DMXL1: variants seen among roughly 807,000 people sequenced by gnomAD.
The protein encoded by DMXL1 is Dmx like 1, also known as dmX-like protein 1.
A neutral mutation model predicts 319.2 loss-of-function variants in DMXL1; 99 were observed. That is an observed-to-expected ratio of 0.31 (90% CI 0.26 to 0.37). The LOEUF is 0.37. DMXL1 is among the 10% of genes least tolerant of loss of function. The pLI, the probability that DMXL1 is intolerant of heterozygous loss-of-function variation, is 1.00. For missense variants in DMXL1, 3,745 were observed against 3,595.6 expected (o/e 1.04, Z -1.06); for synonymous variants, 1,385 against 1,235.2 (o/e 1.12, Z -2.54).
At position 119,165,286 on chromosome 5, in the gene DMXL1, T is replaced by TTA; in HGVS notation, c.4970+6_4970+7insTA. 2 of 884,140 alleles carry TTA rather than the reference T, an allele frequency of 2.3e-6. No homozygotes were observed. Among genetic ancestry groups the TTA allele is most frequent in the Non-Finnish European group, 3.3e-6 (2 of 611,016 alleles). 54.8% of individuals were successfully genotyped at this position (884,140 alleles called of 1,614,324 possible). A position where few individuals can be genotyped will look rare whatever the true frequency, so the allele number is the denominator to read the frequency against. On this transcript the variant is annotated splice_region_variant and intron_variant, in intron 21 of 43. Coordinates refer to ENST00000539542, the MANE Select transcript of DMXL1 (RefSeq NM_001290321.3). The stretch of plus-strand genomic sequence containing the variant: ...GTGATTTGGGGATTATATAGGTAGG[T>TTA]AAAAAAAAAAAAAAAAAAGGGTGCT...
At position 119,239,100 on chromosome 5, in the gene DMXL1, A is replaced by C; in HGVS notation, c.8651+20A>C. ...CAATAGGTAAGAGATGATAGCTAAA[A>C]TTGAAGTATGAGAAAGTATAGCTGA... On this transcript the variant is annotated intron_variant, in intron 41 of 43. Transcript: ENST00000539542. The C allele has an allele frequency of 6.2e-7, 1 of 1,612,260 alleles. No individual in the cohort carries two copies. The highest frequency in any genetic ancestry group is 8.5e-7 in the Non-Finnish European group (1 of 1,179,164).
intron 9 of DMXL1, chr5:119,127,828 T>C: frequency 3.6e-6 from 1 of 278,510 alleles, no homozygotes; most frequent in South Asian, 3.8e-5. Context: ...ATTTCTTTCA[T>C]TATCTGTTTT....
intron 4 of DMXL1, among the ~76,000 whole-genome samples, chr5:119,109,025 T>C (rs1263463400): frequency 6.6e-5 from 10 of 151,962 alleles, no homozygotes. Context: ...AATCTTGGAC[T>C]CCCGACCTCA....
chr5:119,093,840 C>CT (rs1424780443), intron 1 of DMXL1, among the ~76,000 whole-genome samples: 2 of 152,140 alleles, frequency 1.3e-5, no homozygotes, highest in East Asian at 1.9e-4. Flanking sequence ...AGTGGTCTGG[C>CT]TAGAAGATCA....
chr5:119,087,785 A>G (rs1204063284), intron 1 of DMXL1, among the ~76,000 whole-genome samples: 3 of 151,776 alleles, frequency 2.0e-5, no homozygotes, highest in Admixed American at 6.6e-5. Context: ...ATTTAGATCT[A>G]TTCATGTTTG....
chr5:119,085,267 G>A (rs1410477383), intron 1 of DMXL1, among the ~76,000 whole-genome samples: 1 of 151,940 alleles, frequency 6.6e-6, no homozygotes, highest in Admixed American at 6.6e-5. Flanking sequence ...GGAGGCAGAG[G>A]CTGCAGTGAA....
At chr5:119,087,899 T>A (rs1753734554) in intron 1 of DMXL1, among the ~76,000 whole-genome samples, 3 of 152,180 alleles carry the variant, frequency 2.0e-5, no homozygotes, top group Admixed American at 2.0e-4. Context: ...CCTCCCAGGT[T>A]CAAGTGATTC....
chr5:119,080,291 G>A (rs1751911275), intron 1 of DMXL1, among the ~76,000 whole-genome samples: 1 of 152,150 alleles, frequency 6.6e-6, no homozygotes, highest in South Asian at 2.1e-4. Flanking sequence ...AGGTTGCAGT[G>A]AGCCAAGATT....
chr5:119,071,831 G>T (rs367727665), intron 1 of DMXL1, among the ~76,000 whole-genome samples, 175 bp downstream of exon 1: 1 of 152,140 alleles, frequency 6.6e-6, no homozygotes, highest in Middle Eastern at 3.4e-3. Flanking sequence ...AAACCATGTC[G>T]GTCAGTGAGG....
In DMXL1 at chr5:119,239,040, T is replaced by A; in HGVS notation, c.8611T>A (p.Ser2871Thr). 1 of 1,613,884 alleles carries A rather than the reference T, an allele frequency of 6.2e-7. No individual in the cohort carries two copies. Among genetic ancestry groups the A allele is most frequent in the Non-Finnish European group, 8.5e-7 (1 of 1,179,924 alleles). The change falls in exon 41 of 44, where the codon TCC becomes ACC. Residue 2871 changes from serine (S) to threonine (T), a missense_variant. Around this residue, in one of 4 missense-constraint regions of DMXL1, gnomAD observed 262 missense variants for 320.5 expected, o/e 0.82. Coordinates refer to ENST00000539542, the MANE Select transcript of DMXL1 (RefSeq NM_001290321.3). ...TANDFVFVSS[S>T]SLIATAGLST... is the part of the protein sequence containing the mutation. ...CAATGATTTTGTCTTCGTTAGTTCC[T>A]CCTCTCTGATAGCTACAGCTGGTCT...
chr5:119,193,791 T>C (rs1347899086), intron 29 of DMXL1, 37 bp from the exon 30 acceptor site: 2 of 1,590,230 alleles, frequency 1.3e-6, no homozygotes, highest in Admixed American at 1.7e-5. Context: ...TTAAATTAGA[T>C]ATGTGGCTGC....
At chr5:119,217,295 T>C (rs190401809) in intron 35 of DMXL1, among the ~76,000 whole-genome samples, 1 of 152,310 alleles carries the variant, frequency 6.6e-6, no homozygotes, top group Admixed American at 6.5e-5. Flanking sequence ...AAAAGTTTTT[T>C]ATGTTCCTTA....
At chr5:119,126,243 A>G (rs549796668) in intron 9 of DMXL1, among the ~76,000 whole-genome samples, 10 of 152,312 alleles carry the variant, frequency 6.6e-5, no homozygotes, top group African/African-American at 2.2e-4. Context: ...AGATTGCGCC[A>G]TTGCCCTCCA....
At chr5:119,173,165 C>T (rs1774930547) in intron 25 of DMXL1, among the ~76,000 whole-genome samples, 1 of 151,972 alleles carries the variant, frequency 6.6e-6, no homozygotes, top group African/African-American at 2.4e-5. Context: ...ATGGAGAAAC[C>T]TTGTCTCTAC....
chr5:119,176,584 A>G (rs1242069496), intron 26 of DMXL1, among the ~76,000 whole-genome samples: 1 of 152,078 alleles, frequency 6.6e-6, no homozygotes, highest in Non-Finnish European at 1.5e-5. Context: ...AGCAAGGGAA[A>G]CTACAAAGGC....
Position 119,177,459 on chromosome 5 carries a change from C to G in DMXL1, c.6861C>G (p.Pro2287=), listed in dbSNP as rs868380318. Reference sequence around the variant, plus strand: ...GAAGCTTAGATGAAGCATTAACTCCCAATACGTCACCAGCTCAATGGCCAG... The same window carrying G: ...GAAGCTTAGATGAAGCATTAACTCCGAATACGTCACCAGCTCAATGGCCAG... The part of the protein sequence containing the change: ...KTGSLDEALT[P]NTSPAQWPGI... The change falls in exon 27 of 44, where the codon CCC becomes CCG. Residue 2287 remains proline (P), a synonymous_variant. Coordinates refer to ENST00000539542, the MANE Select transcript of DMXL1 (RefSeq NM_001290321.3). 1 of 1,608,370 alleles carries G rather than the reference C, an allele frequency of 6.2e-7. No homozygotes were observed. Among genetic ancestry groups the G allele is most frequent in the Middle Eastern group, 1.7e-4 (1 of 6,032 alleles).
chr5:119,220,007 CT>C (rs1784381682), intron 35 of DMXL1, among the ~76,000 whole-genome samples: 1 of 60,962 alleles, frequency 1.6e-5, no homozygotes, highest in African/African-American at 7.5e-5. Flanking sequence ...CCCTTTCCCA[CT>C]TCTTTTTTTT....
At chr5:119,104,477 C>T (rs551808494) in intron 3 of DMXL1, among the ~76,000 whole-genome samples, 1 of 152,064 alleles carries the variant, frequency 6.6e-6, no homozygotes, top group Admixed American at 6.6e-5. Flanking sequence ...ATTTGTTGTA[C>T]CAAAGTTTGA....
At chr5:119,189,208 G>A (rs1778276940) in intron 28 of DMXL1, among the ~76,000 whole-genome samples, 1 of 152,072 alleles carries the variant, frequency 6.6e-6, no homozygotes, top group South Asian at 2.1e-4. Context: ...AGCCGTTTCC[G>A]AAAGTTTGAA....
Sources: gnomAD v4.1 joint callset for allele counts (sites outside exome capture counted in the v4.1 genomes callset) on GRCh38, gnomAD v4.1.1 for gene constraint, gnomAD v4.1.1 regional missense constraint, MANE v1.5 for transcripts, NCBI Gene and HGNC (gene_info 2026-07-23, HGNC 2026-07-21) for gene names.